NCKIPSD: variants seen among roughly 807,000 people sequenced by gnomAD.
NCKIPSD encodes NCK-interacting protein with SH3 domain.
In NCKIPSD, 48 loss-of-function variants were observed where a neutral mutation model predicts 73.4. The ratio of observed to expected loss-of-function variants is 0.65; its 90% CI spans 0.52 to 0.83. The LOEUF is 0.83. Ranked by LOEUF, NCKIPSD falls within the 40% of genes least tolerant of loss-of-function variation. The pLI, the probability that NCKIPSD is intolerant of heterozygous loss-of-function variation, is 0.00. For synonymous variants in NCKIPSD, 422 were observed against 403.6 expected, an observed-to-expected ratio of 1.05 and a Z score of -0.54; for missense variants, 884 against 970.2, an observed-to-expected ratio of 0.91 and a Z score of 1.18.
chr3:48,679,309 C>T lies in NCKIPSD; in HGVS notation c.1570+68G>A. The T allele has an allele frequency of 3.1e-6, 5 of 1,589,836 alleles. No individual in the cohort carries two copies. The South Asian group carries it at 5.6e-5, about 18-fold the overall frequency. On this transcript the variant is annotated intron_variant, in intron 9 of 12. Transcript: ENST00000294129. ...CTGCTAGGCTGTGTAGTCAGCAGGT[C>T]CCAGGCCCTCGGGCAATGGGCCCTG...
At chr3:48,681,860 T>C in intron 4 of NCKIPSD, 80 bp from the exon 5 acceptor site, 1 of 1,455,770 alleles carries the variant, frequency 6.9e-7, no homozygotes, top group Non-Finnish European at 9.0e-7. Context: ...CCCTGTCCCC[T>C]AACACAGGGC....
chr3:48,679,697 A>G lies in NCKIPSD; in HGVS notation c.1367T>C (p.Leu456Pro), dbSNP rs1167911490. The change falls in exon 8 of 13, where the codon CTG becomes CCG. Residue 456 changes from leucine (L) to proline (P), a missense_variant. Leu to Pro is a moderately conservative substitution (Grantham distance 98, BLOSUM62 -3). Coordinates refer to ENST00000294129, the MANE Select transcript of NCKIPSD (RefSeq NM_016453.4). Reference sequence around the variant, plus strand: ...AAAGCACTTGAGGAGCAGCAGCCGCAGTGATGCTCGGTGTTCCTGGCAGGG... The same window carrying G: ...AAAGCACTTGAGGAGCAGCAGCCGCGGTGATGCTCGGTGTTCCTGGCAGGG... ...AYYQMEHRASLRLLLLKCFGA... is the reference protein window; with the variant it reads ...AYYQMEHRASPRLLLLKCFGA... 1.9e-6 allele frequency: 3 copies of G among 1,614,054 alleles called. No homozygotes were observed. In the Admixed American group the frequency reaches 5.0e-5, roughly 27 times the overall value.
At chr3:48,679,017 C>G in intron 10 of NCKIPSD, 38 bp downstream of exon 10, 2 of 1,614,128 alleles carry the variant, frequency 1.2e-6, no homozygotes, top group Non-Finnish European at 1.7e-6. Flanking sequence ...TGAGAGCCAC[C>G]ATGTGCTCAG....
chr3:48,682,251 C>G, intron 3 of NCKIPSD, 95 bp from the exon 4 acceptor site: 1 of 1,573,944 alleles, frequency 6.4e-7, no homozygotes, highest in Non-Finnish European at 8.7e-7. Context: ...AGGACTATGG[C>G]TCTGGGCCGC....
In NCKIPSD at chr3:48,679,119, G is replaced by A; in HGVS notation, c.1635C>T (p.Asp545=). 1.2e-6 allele frequency: 2 copies of A among 1,614,158 alleles called. No homozygotes were observed. Among genetic ancestry groups the A allele is most frequent in the Non-Finnish European group, 1.7e-6 (2 of 1,180,022 alleles). The part of the protein sequence containing the change: ...LNIVEDGLPL[D]TTEQLPDLCV... ...AGAGGTCCGGCAGCTGCTCTGTGGT[G>A]TCCAAGGGCAGCCCATCCTCGACGA... Residue 545 remains aspartate (D), a synonymous_variant, in exon 10 of 13, where the codon GAC becomes GAT. Coordinates refer to ENST00000294129, the MANE Select transcript of NCKIPSD (RefSeq NM_016453.4).
intron 10 of NCKIPSD, 41 bp from the exon 11 acceptor site, chr3:48,679,010 G>A (rs184775250): frequency 1.5e-4 from 239 of 1,614,088 alleles, no homozygotes; most frequent in Non-Finnish European, 1.7e-5. Flanking sequence ...CTGAGCCTGA[G>A]AGCCACCATG....
chr3:48,680,171 AC>A lies in NCKIPSD; in HGVS notation c.1150del (p.Val384Ter). 1.2e-6 allele frequency: 2 copies of A among 1,613,688 alleles called. No individual in the cohort carries two copies. The highest frequency in any genetic ancestry group is 1.7e-6 in the Non-Finnish European group (2 of 1,179,976). On this transcript the variant is annotated frameshift_variant, in exon 6 of 13. Transcript: ENST00000294129. LOFTEE classifies it high-confidence loss of function. ...QVCHDQQRLE[V>X]IFADLARRKD... is the part of the protein sequence containing the mutation. ...CCGGCGAGCCAGGTCTGCAAAGATC[AC>A]CTCCAGCCTCTGCTGGTCGTGGCAG...
chr3:48,679,212 G>C, intron 9 of NCKIPSD, 29 bp from the exon 10 acceptor site: 1 of 1,612,490 alleles, frequency 6.2e-7, no homozygotes, highest in Non-Finnish European at 8.5e-7. Context: ...GAAGTCTGCA[G>C]CCCCATTCCC....
At position 48,679,477 on chromosome 3, in the gene NCKIPSD, C is replaced by T. The variant is rs369466205; in HGVS notation, c.1490-20G>A. 498 of 1,607,190 alleles carry T rather than the reference C, an allele frequency of 3.1e-4. No homozygotes were observed. The highest frequency in any genetic ancestry group is 5.0e-4 in the Middle Eastern group (3 of 6,042). Reference sequence around the variant, plus strand: ...GGTGGTCTGGGGGGGACAAGGCAGGCAGTCAGAGTCCCCAAAGATGGCAGG... The same window carrying T: ...GGTGGTCTGGGGGGGACAAGGCAGGTAGTCAGAGTCCCCAAAGATGGCAGG... On this transcript the variant is annotated intron_variant, in intron 8 of 12. Coordinates refer to ENST00000294129, the MANE Select transcript of NCKIPSD (RefSeq NM_016453.4).
chr3:48,684,019 C>CACACACACACACAG (rs563262573), intron 1 of NCKIPSD, among the ~76,000 whole-genome samples: 31 of 141,340 alleles, frequency 2.2e-4, no homozygotes, highest in African/African-American at 6.7e-4. Context: ...CACACACACA[C>CACACACACACACAG]AGAGAGAGAG....
Position 48,685,699 on chromosome 3 carries a change from C to A in NCKIPSD, c.109G>T (p.Ala37Ser). The change falls in exon 1 of 13, where the codon GCC becomes TCC. Residue 37 changes from alanine to serine, a missense_variant. Coordinates refer to ENST00000294129, the MANE Select transcript of NCKIPSD (RefSeq NM_016453.4). The stretch of plus-strand genomic sequence containing the variant: ...GTCTCACCACTGCGCGCCCGCGCGG[C>A]CAGCCACCAGTGCGCGCTGCTTCGC... ...LERSSAHWWL[A>S]ARARSGETGY... 1 of 1,526,958 alleles carries A rather than the reference C, an allele frequency of 6.5e-7. No individual in the cohort carries two copies. Among genetic ancestry groups the A allele is most frequent in the Non-Finnish European group, 8.7e-7 (1 of 1,143,142 alleles). The allele number at this position is 1,526,958 out of a possible 1,614,324, so 94.6% of individuals were successfully genotyped here. A position where few individuals can be genotyped will look rare whatever the true frequency, so the allele number is the denominator to read the frequency against.
In NCKIPSD at chr3:48,679,121, C is replaced by T. The variant is rs1575563598; in HGVS notation, c.1633G>A (p.Asp545Asn). 1.2e-6 allele frequency: 2 copies of T among 1,614,106 alleles called. No homozygotes were observed. Among genetic ancestry groups the T allele is most frequent in the Middle Eastern group, 1.6e-4 (1 of 6,062 alleles). ...AGGTCCGGCAGCTGCTCTGTGGTGT[C>T]CAAGGGCAGCCCATCCTCGACGATG... is the stretch of plus-strand genomic sequence containing the variant. Reference protein sequence around the residue: ...LNIVEDGLPLDTTEQLPDLCV... With the variant: ...LNIVEDGLPLNTTEQLPDLCV... Residue 545 changes from aspartate (D) to asparagine (N), a missense_variant, in exon 10 of 13, where the codon GAC becomes AAC. Asp to Asn is a conservative substitution (Grantham distance 23). Transcript: ENST00000294129.
chr3:48,679,991 T>C (rs1031097375), intron 6 of NCKIPSD, 68 bp downstream of exon 6: 3 of 1,604,890 alleles, frequency 1.9e-6, no homozygotes, highest in Admixed American at 3.3e-5. Context: ...CCTAGCACTG[T>C]GAGGGATGCT....
At chr3:48,677,107 G>A (rs1288260451) in intron 12 of NCKIPSD, among the ~76,000 whole-genome samples, 4 of 150,422 alleles carry the variant, frequency 2.7e-5, no homozygotes, top group Non-Finnish European at 5.9e-5. Context: ...CACTCTCCCT[G>A]GCCAGGCACG....
chr3:48,675,984 C>G (rs1301645273), intron 12 of NCKIPSD, among the ~76,000 whole-genome samples: 2 of 152,158 alleles, frequency 1.3e-5, no homozygotes, highest in Admixed American at 1.3e-4. Flanking sequence ...GGCAGCACAC[C>G]CTGCTAAGTC....
Position 48,681,385 on chromosome 3 carries a change from G to C in NCKIPSD, c.994C>G (p.Arg332Gly), listed in dbSNP as rs745397166. The C allele has an allele frequency of 6.2e-7, 1 of 1,612,098 alleles. No homozygotes were observed. Among genetic ancestry groups the C allele is most frequent in the East Asian group, 2.2e-5 (1 of 44,842 alleles). The change falls in exon 5 of 13, where the codon CGG becomes GGG. Residue 332 changes from arginine to glycine, a missense_variant. Coordinates refer to ENST00000294129, the MANE Select transcript of NCKIPSD (RefSeq NM_016453.4). Reference protein sequence around the residue: ...RNTGLSHELCRVAIGIIVGHI... With the variant: ...RNTGLSHELCGVAIGIIVGHI... ...CCCACTATGATGCCGATGGCCACCC[G>C]GCATAATTCGTGGCTCAGGCCAGTG...
At position 48,681,568 on chromosome 3, in the gene NCKIPSD, G is replaced by A; in HGVS notation, c.811C>T (p.Pro271Ser). The A allele has an allele frequency of 6.2e-7, 1 of 1,614,090 alleles. No homozygotes were observed. The highest frequency in any genetic ancestry group is 8.5e-7 in the Non-Finnish European group (1 of 1,180,042). Residue 271 changes from proline to serine, a missense_variant, in exon 5 of 13, where the codon CCT becomes TCT. Transcript: ENST00000294129. ...CCAGTTGCCACTTCTTCTTCTGCAG[G>A]GGGTTCAGGTGCTGATGCCTTGGAG... The part of the protein sequence containing the change: ...PPSKASAPEP[P>S]AEEEVATGTT...
At position 48,674,590 on chromosome 3, in the gene NCKIPSD, C is replaced by A; in HGVS notation, c.2123G>T (p.Arg708Leu). ...PQCQMDRMIVREMCKEFLVLG... is the reference protein window; with the variant it reads ...PQCQMDRMIVLEMCKEFLVLG... ...CACCAGGAATTCCTTGCACATCTCT[C>A]GGACAATCATGCGGTCCATCTGGCA... Residue 708 changes from arginine (R) to leucine (L), a missense_variant, in exon 13 of 13, where the codon CGA becomes CTA. Transcript: ENST00000294129. 2 of 1,607,968 alleles carry A rather than the reference C, an allele frequency of 1.2e-6. No homozygotes were observed. The highest frequency in any genetic ancestry group is 1.7e-6 in the Non-Finnish European group (2 of 1,177,006).
rs757356697 is a variant in NCKIPSD at position 48,678,663 on chromosome 3, A to T, written c.1866T>A (p.Phe622Leu). Reference protein sequence around the residue: ...HSVLKFLQDVFGSPATAAIFY... With the variant: ...HSVLKFLQDVLGSPATAAIFY... ...AGATGGCAGCTGTGGCCGGGCTGCC[A>T]AACACGTCCTGCAGGAACTTGAGGA... The change falls in exon 12 of 13, where the codon TTT becomes TTA. Residue 622 changes from phenylalanine (F) to leucine (L), a missense_variant. Phe to Leu is a conservative substitution (Grantham distance 22). Transcript: ENST00000294129. 2 of 1,614,208 alleles carry T rather than the reference A, an allele frequency of 1.2e-6. No homozygotes were observed. The highest frequency in any genetic ancestry group is 1.1e-5 in the South Asian group (1 of 91,086).
Sources: gnomAD v4.1 joint callset for allele counts (sites outside exome capture counted in the v4.1 genomes callset) on GRCh38, gnomAD v4.1.1 for gene constraint, MANE v1.5 for transcripts, NCBI Gene and HGNC (gene_info 2026-07-23, HGNC 2026-07-21) for gene names.